Variants in RPP40 observed in about 807,000 individuals in gnomAD.
The protein encoded by RPP40 is ribonuclease P protein subunit p40.
In RPP40, 30 loss-of-function variants were observed where a neutral mutation model predicts 42.5. That is an observed-to-expected ratio of 0.71 (90% CI 0.53 to 0.96). The LOEUF is 0.96. Among genes scored for constraint, RPP40 ranks in the 40% least tolerant of loss-of-function variants. The pLI is 0.00. For synonymous variants in RPP40, 173 were observed against 164.0 expected (o/e 1.05, Z -0.42); for missense variants, 426 against 433.5 (o/e 0.98, Z 0.15).
downstream of RPP40, among the ~76,000 whole-genome samples, chr6:4,992,708 T>C (rs571330200): frequency 2.0e-5 from 3 of 152,354 alleles, no homozygotes; most frequent in East Asian, 5.8e-4. Context: ...AATGTGATTA[T>C]TGATATGCTT....
chr6:4,999,242 C>T (rs1240035821), intron 4 of RPP40, among the ~76,000 whole-genome samples: 2 of 143,526 alleles, frequency 1.4e-5, no homozygotes, highest in African/African-American at 5.2e-5. Context: ...AAAGGAAATT[C>T]TTTATTAAGA....
downstream of RPP40, among the ~76,000 whole-genome samples, chr6:4,989,837 T>G (rs1200235207): frequency 1.3e-5 from 2 of 152,260 alleles, no homozygotes; most frequent in Admixed American, 6.5e-5. Context: ...AGCTCATTTG[T>G]AGAGTCCGCT....
intron 5 of RPP40, among the ~76,000 whole-genome samples, chr6:4,997,060 G>A (rs1379621522): frequency 6.6e-6 from 1 of 152,202 alleles, no homozygotes; most frequent in Non-Finnish European, 1.5e-5. Flanking sequence ...TTCCTCTCCT[G>A]TAATGCAACC....
chr6:4,998,886 C>T (rs747357266), intron 4 of RPP40, 45 bp from the exon 5 acceptor site: 2 of 1,171,910 alleles, frequency 1.7e-6, no homozygotes, highest in Non-Finnish European at 2.3e-6. Context: ...CATATACGTA[C>T]AGCTTCTACC....
At chr6:4,990,013 G>A (rs990017798), downstream of RPP40, among the ~76,000 whole-genome samples, 1 of 152,188 alleles carries the variant, frequency 6.6e-6, no homozygotes, top group Non-Finnish European at 1.5e-5. Context: ...TGTTCCTGAC[G>A]TTGGGAAGGT....
In RPP40 at chr6:5,003,993, G is replaced by T. The variant is rs1469233890; in HGVS notation, c.10C>A (p.Leu4Met). 2 of 1,608,768 alleles carry T rather than the reference G, an allele frequency of 1.2e-6. No homozygotes were observed. Among genetic ancestry groups the T allele is most frequent in the South Asian group, 2.2e-5 (2 of 90,942 alleles). Reference protein sequence around the residue: MATLRRLREAPRHL... With the variant: MATMRRLREAPRHL... ...CGCGGCGCCTCCCGAAGCCGGCGCA[G>T]CGTGGCCATGCTCTCCTGGGTTCCT... The change falls in exon 1 of 8, where the codon CTG becomes ATG. Residue 4 changes from leucine to methionine, a missense_variant. Coordinates refer to ENST00000380051, the MANE Select transcript of RPP40 (RefSeq NM_006638.4).
chr6:5,003,345 T>TAAAAAAA (rs1554114544), intron 1 of RPP40, among the ~76,000 whole-genome samples: 2 of 76,584 alleles, frequency 2.6e-5, no homozygotes, highest in African/African-American at 5.7e-5. Context: ...AAACTCCGTC[T>TAAAAAAA]AAAAAAAAAA....
At chr6:5,003,228 A>T (rs889366868) in intron 1 of RPP40, among the ~76,000 whole-genome samples, 5 of 150,816 alleles carry the variant, frequency 3.3e-5, no homozygotes, top group East Asian at 4.0e-4. Flanking sequence ...GCGCCTGTAG[A>T]CCCAGCTACA....
rs1581328165 is a variant in RPP40 at position 5,003,730 on chromosome 6, G to A, written c.123+150C>T. The stretch of plus-strand genomic sequence containing the variant: ...CAAGCCACTGGCTTAGAGCAGTTAA[G>A]AGACTACAACTCCCAGCAAGCCGGG... On this transcript the variant is annotated intron_variant, in intron 1 of 7. Coordinates refer to ENST00000380051, the MANE Select transcript of RPP40 (RefSeq NM_006638.4). The A allele has an allele frequency of 6.0e-6, 6 of 998,268 alleles. No homozygotes were observed. The East Asian group carries it at 1.4e-4, about 23-fold the overall frequency. 61.8% of individuals were successfully genotyped at this position (998,268 alleles called of 1,614,324 possible). A position where few individuals can be genotyped will look rare whatever the true frequency, so the allele number is the denominator to read the frequency against.
intron 2 of RPP40, 69 bp downstream of exon 2, chr6:5,002,031 AG>A: frequency 7.3e-7 from 1 of 1,371,992 alleles, no homozygotes; most frequent in South Asian, 1.3e-5. Context: ...CAACAGCCCT[AG>A]CATCGTGATG....
intron 5 of RPP40, among the ~76,000 whole-genome samples, chr6:4,997,929 C>T (rs1178405597): frequency 3.3e-5 from 5 of 152,226 alleles, no homozygotes; most frequent in African/African-American, 1.2e-4. Context: ...GGATGATCTG[C>T]ATAGAAGACT....
chr6:5,000,504 T>TC, intron 3 of RPP40, 59 bp downstream of exon 3: 1 of 1,034,286 alleles, frequency 9.7e-7, no homozygotes, highest in Non-Finnish European at 1.4e-6. Flanking sequence ...TTTTTTTTTT[T>TC]TTTTACAGTA....
At position 4,999,829 on chromosome 6, in the gene RPP40, C is replaced by T; in HGVS notation, c.413G>A (p.Gly138Asp). 6.3e-7 allele frequency: 1 copy of T among 1,598,364 alleles called. No homozygotes were observed. The highest frequency in any genetic ancestry group is 1.3e-5 in the African/African-American group (1 of 74,688). ...CTTACTAAATTTCATAATTTTTCTG[C>T]CAGAAAACTGAGATGGATGACCCTG... ...GLQGHPSQFS[G>D]RKIMKFIVSI... Residue 138 changes from glycine to aspartate, a missense_variant, in exon 4 of 8, where the codon GGC becomes GAC. Coordinates refer to ENST00000380051, the MANE Select transcript of RPP40 (RefSeq NM_006638.4).
rs377509626 is a variant in RPP40 at position 5,002,087 on chromosome 6, C to A, written c.268+14G>T. On this transcript the variant is annotated intron_variant, in intron 2 of 7. Transcript: ENST00000380051. Reference sequence around the variant, plus strand: ...CATCCAGCCTTGTTCACAGCCATTTCAGGTTTTTCTTACCTTTCTTTATAA... The same window carrying A: ...CATCCAGCCTTGTTCACAGCCATTTAAGGTTTTTCTTACCTTTCTTTATAA... The A allele has an allele frequency of 6.2e-7, 1 of 1,608,672 alleles. No individual in the cohort carries two copies. The highest frequency in any genetic ancestry group is 1.1e-5 in the South Asian group (1 of 90,258).
chr6:4,991,553 G>C (rs942176416), downstream of RPP40, among the ~76,000 whole-genome samples: 1 of 152,130 alleles, frequency 6.6e-6, no homozygotes, highest in African/African-American at 2.4e-5. Context: ...AATTGCTGAA[G>C]TCTACTTTAT....
intron 5 of RPP40, among the ~76,000 whole-genome samples, chr6:4,996,642 C>A (rs942323259): frequency 6.6e-6 from 1 of 152,240 alleles, no homozygotes; most frequent in African/African-American, 2.4e-5. Context: ...TGGAAAAGCA[C>A]AACAGTTTCT....
intron 5 of RPP40, among the ~76,000 whole-genome samples, chr6:4,996,640 C>G (rs1180276316): frequency 6.6e-6 from 1 of 152,196 alleles, no homozygotes; most frequent in Admixed American, 6.5e-5. Flanking sequence ...CCTGGAAAAG[C>G]ACAACAGTTT....
chr6:4,995,843 A>G, intron 7 of RPP40, 108 bp downstream of exon 7: 1 of 1,059,226 alleles, frequency 9.4e-7, no homozygotes, highest in Non-Finnish European at 1.4e-6. Context: ...GTTCCTTTCA[A>G]TGTACATTTT....
downstream of RPP40, chr6:4,994,632 C>G (rs1384911774): frequency 6.1e-6 from 1 of 165,176 alleles, no homozygotes; most frequent in East Asian, 1.7e-4. Context: ...TATTTACACA[C>G]TGTGCCTCAG....
Sources: allele counts gnomAD v4.1 joint callset (sites outside exome capture counted in the v4.1 genomes callset), GRCh38; gene constraint gnomAD v4.1.1; transcripts MANE v1.5; gene names NCBI Gene and HGNC (gene_info 2026-07-23, HGNC 2026-07-21).